The following TXNDC16 variants were observed in gnomAD, a reference collection of about 807,000 sequenced individuals.
The protein encoded by TXNDC16 is thioredoxin domain-containing protein 16.
A neutral mutation model predicts 85.6 loss-of-function variants in TXNDC16; 74 were observed. The observed-to-expected ratio is 0.86, with a 90% CI of 0.72 to 1.05. The LOEUF is 1.05. Ranked by LOEUF, TXNDC16 falls within the 50% of genes least tolerant of loss-of-function variation. The pLI is 0.00. For synonymous variants in TXNDC16, 335 were observed against 326.5 expected (o/e 1.03, Z -0.28); for missense variants, 959 against 947.0 (o/e 1.01, Z -0.17).
chr14:52,520,066 A>T (rs983773602), intron 6 of TXNDC16, among the ~76,000 whole-genome samples: 1 of 152,356 alleles, frequency 6.6e-6, no homozygotes, highest in African/African-American at 2.4e-5. Context: ...TATTCAATAA[A>T]CATTTATTGA....
At position 52,480,975 on chromosome 14, in the gene TXNDC16, GTATATATA is replaced by G. The variant is rs141877325; in HGVS notation, c.1312+1247_1312+1254del. 6.4e-4 allele frequency among the ~76,000 whole-genome samples: 86 copies of G among 134,972 alleles called. 1 individual carries two copies. The highest frequency in any genetic ancestry group is 5.2e-3 in the Admixed American group (69 of 13,386). The allele number at this position is 134,972 out of a possible 152,430, so 88.5% of individuals were successfully genotyped here. A position where few individuals can be genotyped will look rare whatever the true frequency, so the allele number is the denominator to read the frequency against. ...TGTGTGTGTGTGTATATATATATAT[GTATATATA>G]TATATATATATATATATAATGGAAT... On this transcript the variant is annotated intron_variant, in intron 14 of 20. Transcript: ENST00000281741.
At position 52,469,558 on chromosome 14, in the gene TXNDC16, C is replaced by A. The variant is rs553834323; in HGVS notation, c.1618+479G>T. ...AAGAGATGGAGACCATCCTGGCCAA[C>A]ATGGTGAAACCCCGTCTCTACTAAA... On this transcript the variant is annotated intron_variant, in intron 16 of 20. Coordinates refer to ENST00000281741, the MANE Select transcript of TXNDC16 (RefSeq NM_020784.3). Among the ~76,000 whole-genome samples the A allele has an allele frequency of 8.4e-3, 1,285 of 152,086 alleles. 12 individuals carry two copies. Among genetic ancestry groups the A allele is most frequent in the Non-Finnish European group, 0.013 (893 of 67,982 alleles).
intron 14 of TXNDC16, 109 bp from the exon 15 acceptor site, chr14:52,470,789 A>G (rs1878379765): frequency 1.0e-6 from 1 of 975,210 alleles, no homozygotes; most frequent in Non-Finnish European, 1.5e-6. Context: ...CTCAGCATGA[A>G]ACACTCCTGC....
intron 7 of TXNDC16, among the ~76,000 whole-genome samples, chr14:52,518,202 T>C (rs1317218779): frequency 6.6e-6 from 1 of 152,224 alleles, no homozygotes; most frequent in East Asian, 1.9e-4. Context: ...CTCTTTTCCA[T>C]CTAGACTCAC....
chr14:52,499,752 G>C (rs11627086), intron 9 of TXNDC16, among the ~76,000 whole-genome samples: 13,073 of 152,028 alleles, frequency 0.086, 614 homozygotes, highest in East Asian at 0.14. Context: ...TATCCATAAG[G>C]AATCAGTTTC....
chr14:52,517,176 C>T (rs2037102999), intron 7 of TXNDC16, among the ~76,000 whole-genome samples: 1 of 152,084 alleles, frequency 6.6e-6, no homozygotes, highest in Non-Finnish European at 1.5e-5. Flanking sequence ...CTTCTCTTTC[C>T]CTCTAATTAA....
chr14:52,458,691 C>A (rs1002446027), intron 16 of TXNDC16, among the ~76,000 whole-genome samples: 1 of 152,182 alleles, frequency 6.6e-6, no homozygotes, highest in Non-Finnish European at 1.5e-5. Context: ...TAAGAGTGAA[C>A]AGAGTGAAAT....
At chr14:52,530,324 T>TAA (rs1566582158) in intron 6 of TXNDC16, among the ~76,000 whole-genome samples, 2 of 51,214 alleles carry the variant, frequency 3.9e-5, no homozygotes, top group East Asian at 1.4e-3. Flanking sequence ...ATATAATTAT[T>TAA]TTTATATTAT....
chr14:52,529,307 C>A (rs950925549), intron 6 of TXNDC16, among the ~76,000 whole-genome samples: 2 of 147,354 alleles, frequency 1.4e-5, no homozygotes, highest in Non-Finnish European at 3.0e-5. Context: ...AAGGGGAACA[C>A]ACTGGGGCCT....
At position 52,470,574 on chromosome 14, in the gene TXNDC16, G is replaced by C; in HGVS notation, c.1419C>G (p.Gly473=). 1 of 1,613,766 alleles carries C rather than the reference G, an allele frequency of 6.2e-7. No individual in the cohort carries two copies. The highest frequency in any genetic ancestry group is 8.5e-7 in the Non-Finnish European group (1 of 1,179,874). The change falls in exon 15 of 21, where the codon GGC becomes GGG. Residue 473 remains glycine (G), a synonymous_variant. Transcript: ENST00000281741. ...EFPIIKMYKK[G]ENPVSYAGML... is the part of the protein sequence containing the mutation. ...TTCCAGCATAAGATACTGGGTTCTC[G>C]CCTTTCTTGTACATCTTTATGATAG...
intron 8 of TXNDC16, among the ~76,000 whole-genome samples, chr14:52,514,521 A>C (rs1456401464): frequency 6.6e-6 from 1 of 152,312 alleles, no homozygotes; most frequent in East Asian, 1.9e-4. Context: ...AAAGTAACTT[A>C]CAAGAGTCTC....
intron 6 of TXNDC16, among the ~76,000 whole-genome samples, chr14:52,532,443 AT>A (rs201072751): frequency 1.4e-4 from 20 of 148,038 alleles, no homozygotes; most frequent in Non-Finnish European, 1.0e-4. Context: ...GTTCAAATCT[AT>A]TTTTTTTTTT....
In TXNDC16 at chr14:52,511,222, A is replaced by G; in HGVS notation, c.756+18T>C. 6.8e-7 allele frequency: 1 copy of G among 1,466,608 alleles called. No individual in the cohort carries two copies. The highest frequency in any genetic ancestry group is 2.1e-5 in the Admixed American group (1 of 46,894). The allele number at this position is 1,466,608 out of a possible 1,614,324, so 90.8% of individuals were successfully genotyped here. A position where few individuals can be genotyped will look rare whatever the true frequency, so the allele number is the denominator to read the frequency against. ...CAGGCAGTAGAAAGCAAATAAAAAT[A>G]TAAAATAAGACACATACCAACAGAG... On this transcript the variant is annotated intron_variant, in intron 9 of 20. Transcript: ENST00000281741.
At chr14:52,514,027 A>G (rs1423679949) in intron 8 of TXNDC16, among the ~76,000 whole-genome samples, 1 of 152,140 alleles carries the variant, frequency 6.6e-6, no homozygotes, top group Non-Finnish European at 1.5e-5. Flanking sequence ...AGACAGGTCA[A>G]TAAGGAGAGA....
intron 1 of TXNDC16, among the ~76,000 whole-genome samples, chr14:52,548,856 T>A (rs1463490507): frequency 6.6e-6 from 1 of 152,164 alleles, no homozygotes; most frequent in Non-Finnish European, 1.5e-5. Context: ...CACTCCAGCC[T>A]GGGCAACAAG....
At chr14:52,507,147 T>C (rs1453517787) in intron 9 of TXNDC16, among the ~76,000 whole-genome samples, 1 of 152,108 alleles carries the variant, frequency 6.6e-6, no homozygotes, top group Non-Finnish European at 1.5e-5. Flanking sequence ...GATGACATGA[T>C]TGTATATCTA....
At position 52,542,266 on chromosome 14, in the gene TXNDC16, T is replaced by C. The variant is rs2037846886; in HGVS notation, c.243+105A>G. 4 of 742,238 alleles carry C rather than the reference T, an allele frequency of 5.4e-6. No homozygotes were observed. In the East Asian group the frequency reaches 1.1e-4, roughly 20 times the overall value. 46.0% of individuals were successfully genotyped at this position (742,238 alleles called of 1,614,324 possible). A position where few individuals can be genotyped will look rare whatever the true frequency, so the allele number is the denominator to read the frequency against. Reference sequence around the variant, plus strand: ...CTTATGAAAAAAATATATTTCCAGTTTGGAAAAAGATATGAAATGGAAGTA... The same window carrying C: ...CTTATGAAAAAAATATATTTCCAGTCTGGAAAAAGATATGAAATGGAAGTA... On this transcript the variant is annotated intron_variant, in intron 4 of 20. Coordinates refer to ENST00000281741, the MANE Select transcript of TXNDC16 (RefSeq NM_020784.3).
rs1483821270 is a variant in TXNDC16, at chr14:52,509,648, T to TA, written c.756+1591dup. Reference sequence around the variant, plus strand: ...CCTAAAACTTAAAGTATAATAATAATAAAAAAATTAAAAAATGGCAGCACA... The same window carrying TA: ...CCTAAAACTTAAAGTATAATAATAATAAAAAAAATTAAAAAATGGCAGCACA... On this transcript the variant is annotated intron_variant, in intron 9 of 20. Coordinates refer to ENST00000281741, the MANE Select transcript of TXNDC16 (RefSeq NM_020784.3). Among the ~76,000 whole-genome samples, 4 of 149,294 alleles carry TA rather than the reference T, an allele frequency of 2.7e-5. No homozygotes were observed. In the East Asian group the frequency reaches 7.8e-4, roughly 29 times the overall value.
chr14:52,493,206 T>C (rs1430436696), intron 9 of TXNDC16, among the ~76,000 whole-genome samples: 5,781 of 132,320 alleles, frequency 0.044, 165 homozygotes, highest in East Asian at 0.055. Context: ...TATATATATA[T>C]ATATATATAT....
Sources: gnomAD v4.1 joint callset for allele counts (sites outside exome capture counted in the v4.1 genomes callset) on GRCh38, gnomAD v4.1.1 for gene constraint, MANE v1.5 for transcripts, NCBI Gene and HGNC (gene_info 2026-07-23, HGNC 2026-07-21) for gene names.